Variants in LRRC7 observed in about 807,000 individuals in gnomAD.
The protein encoded by LRRC7 is leucine rich repeat containing 7.
Under a neutral mutation model 175.7 loss-of-function variants are expected in LRRC7, and 23 were observed. The ratio of observed to expected loss-of-function variants is 0.13; its 90% CI spans 0.09 to 0.19. The LOEUF is 0.19. Among genes scored for constraint, LRRC7 ranks in the 10% least tolerant of loss-of-function variants. The probability of loss-of-function intolerance (pLI) is 1.00; values close to 1 mark genes in which losing one functional copy is unlikely to be tolerated. For missense variants in LRRC7, 1,354 were observed against 1,904.7 expected (o/e 0.71, Z 5.38); for synonymous variants, 685 against 680.9 (o/e 1.01, Z -0.09).
At chr1:69,893,289 G>T (rs1328729501) in intron 7 of LRRC7, among the ~76,000 whole-genome samples, 1 of 152,068 alleles carries the variant, frequency 6.6e-6, no homozygotes, top group Non-Finnish European at 1.5e-5. Context: ...CATTTCCTAA[G>T]ATTCAAGATT....
intron 7 of LRRC7, among the ~76,000 whole-genome samples, chr1:69,859,452 TC>T (rs1684126539): frequency 6.6e-6 from 1 of 152,072 alleles, no homozygotes; most frequent in African/African-American, 2.4e-5. Context: ...TAATTTATGA[TC>T]CCAAAATCCA....
chr1:69,697,802 G>C (rs1662802363), intron 2 of LRRC7, among the ~76,000 whole-genome samples: 1 of 152,168 alleles, frequency 6.6e-6, no homozygotes. Context: ...ATGTTCATTA[G>C]TGATAAAACT....
At chr1:69,850,131 C>T (rs1046716321) in intron 7 of LRRC7, among the ~76,000 whole-genome samples, 17 of 151,270 alleles carry the variant, frequency 1.1e-4, no homozygotes, top group African/African-American at 1.7e-4. Context: ...TGAACAGGTC[C>T]GGTTTGCATG....
chr1:69,668,576 C>T (rs227098), intron 1 of LRRC7, among the ~76,000 whole-genome samples: 133,784 of 152,232 alleles, frequency 0.88, 59,164 homozygotes, highest in East Asian at 0.98. Flanking sequence ...TCCAAGTCTT[C>T]GCTATTGTGA....
chr1:69,843,902 AG>A (rs1486956428), intron 7 of LRRC7, among the ~76,000 whole-genome samples: 1 of 152,122 alleles, frequency 6.6e-6, no homozygotes, highest in East Asian at 1.9e-4. Flanking sequence ...TTTGCTATAG[AG>A]GACATTTTTG....
chr1:70,074,561 T>C lies in LRRC7; in HGVS notation c.4231-1516T>C, dbSNP rs980696286. On this transcript the variant is annotated intron_variant, in intron 23 of 26. Coordinates refer to ENST00000651989, the MANE Select transcript of LRRC7 (RefSeq NM_001370785.2). ...CGTTGGACAGAGTTGGATTGATAAT[T>C]GATTTCACATTGTGCTGGTATAGGC... Among the ~76,000 whole-genome samples the C allele has an allele frequency of 2.0e-5, 3 of 152,356 alleles. No individual in the cohort carries two copies. The South Asian group carries it at 6.2e-4, about 32-fold the overall frequency.
At chr1:69,594,469 G>A (rs751055398) in intron 1 of LRRC7, among the ~76,000 whole-genome samples, 8 of 152,200 alleles carry the variant, frequency 5.3e-5, no homozygotes, top group South Asian at 4.2e-4. Context: ...TAGCCCCTAG[G>A]ACGGCTCTTC....
intron 1 of LRRC7, among the ~76,000 whole-genome samples, chr1:69,664,504 C>G (rs1391468911): frequency 6.6e-6 from 1 of 152,136 alleles, no homozygotes; most frequent in Non-Finnish European, 1.5e-5. Context: ...GCCATTTTAG[C>G]TGGGGTCAGA....
chr1:69,888,938 C>T (rs1456860827), intron 7 of LRRC7, among the ~76,000 whole-genome samples: 1 of 152,172 alleles, frequency 6.6e-6, no homozygotes, highest in Non-Finnish European at 1.5e-5. Context: ...ATTGCAGACT[C>T]AGTTTCACAC....
chr1:69,784,787 T>C (rs537893510), intron 3 of LRRC7, among the ~76,000 whole-genome samples: 10 of 152,200 alleles, frequency 6.6e-5, no homozygotes, highest in Non-Finnish European at 1.2e-4. Context: ...TGTTTTGTAA[T>C]CTCCATTATC....
At chr1:69,729,094 G>A (rs559189048) in intron 2 of LRRC7, among the ~76,000 whole-genome samples, 1 of 152,216 alleles carries the variant, frequency 6.6e-6, no homozygotes, top group East Asian at 1.9e-4. Flanking sequence ...TATCACAAGA[G>A]CAGCACAAGG....
At chr1:70,092,435 C>G (rs1664098538) in intron 25 of LRRC7, among the ~76,000 whole-genome samples, 1 of 152,106 alleles carries the variant, frequency 6.6e-6, no homozygotes, top group African/African-American at 2.4e-5. Context: ...ATATTATTTT[C>G]CTTACTGCTC....
At chr1:69,922,270 C>T (rs1646914060) in intron 7 of LRRC7, among the ~76,000 whole-genome samples, 1 of 152,146 alleles carries the variant, frequency 6.6e-6, no homozygotes, top group South Asian at 2.1e-4. Context: ...CTTGAATGCA[C>T]CATGATCTCT....
In LRRC7 at chr1:70,142,514, T is replaced by C. The variant is rs979461802; in HGVS notation, c.*20627T>C. Reference sequence around the variant, plus strand: ...CAATCAAGTTTCTCTTTGTACTCAGTAGGGACTAAAGGAAGCTTAAGGATA... The same window carrying C: ...CAATCAAGTTTCTCTTTGTACTCAGCAGGGACTAAAGGAAGCTTAAGGATA... On this transcript the variant is annotated 3_prime_UTR_variant, in exon 27 of 27. Coordinates refer to ENST00000651989, the MANE Select transcript of LRRC7 (RefSeq NM_001370785.2). 16 of 152,092 alleles carry C rather than the reference T, an allele frequency of 1.1e-4. No individual in the cohort carries two copies. The highest frequency in any genetic ancestry group is 3.9e-4 in the African/African-American group (16 of 41,454). 9.4% of individuals were successfully genotyped at this position (152,092 alleles called of 1,614,324 possible). A position where few individuals can be genotyped will look rare whatever the true frequency, so the allele number is the denominator to read the frequency against.
intron 11 of LRRC7, among the ~76,000 whole-genome samples, chr1:69,997,453 G>A (rs1463978547): frequency 3.3e-5 from 5 of 151,266 alleles, no homozygotes; most frequent in Non-Finnish European, 4.4e-5. Context: ...TAGGAGTGGT[G>A]AGAGAGGGCA....
At position 69,746,801 on chromosome 1, in the gene LRRC7, G is replaced by A. The variant is rs114452679; in HGVS notation, c.101-13390G>A. 2.1e-3 allele frequency among the ~76,000 whole-genome samples: 318 copies of A among 152,196 alleles called. 2 individuals are homozygous for A. The highest frequency in any genetic ancestry group is 7.4e-3 in the African/African-American group (307 of 41,540). On this transcript the variant is annotated intron_variant, in intron 2 of 26. Transcript: ENST00000651989. ...AGAGAAGAAGCTGAAGACAGGTGTC[G>A]TATTAATTTTCTAGAGCTGCCATAA... is the stretch of plus-strand genomic sequence containing the variant.
chr1:69,971,551 A>C (rs1652238863), intron 8 of LRRC7, among the ~76,000 whole-genome samples: 1 of 152,324 alleles, frequency 6.6e-6, no homozygotes, highest in African/African-American at 2.4e-5. Flanking sequence ...ATACTTAGAA[A>C]TATACCTAAC....
At chr1:69,835,524 C>T (rs1180174933) in intron 6 of LRRC7, among the ~76,000 whole-genome samples, 2 of 151,852 alleles carry the variant, frequency 1.3e-5, no homozygotes, top group African/African-American at 4.8e-5. Context: ...TATGTTCCAA[C>T]ATATTGCAAA....
At chr1:70,010,743 C>T (rs1322137396) in intron 11 of LRRC7, among the ~76,000 whole-genome samples, 2 of 152,180 alleles carry the variant, frequency 1.3e-5, no homozygotes, top group Non-Finnish European at 2.9e-5. Context: ...CCAACGCCAA[C>T]TGCAATGTAT....
Sources: allele counts gnomAD v4.1 joint callset (sites outside exome capture counted in the v4.1 genomes callset), GRCh38; gene constraint gnomAD v4.1.1; transcripts MANE v1.5; gene names NCBI Gene and HGNC (gene_info 2026-07-23, HGNC 2026-07-21).